Variants in PTPRD observed in about 807,000 individuals in gnomAD.
The protein encoded by PTPRD is receptor-type tyrosine-protein phosphatase delta.
PTPRD carries 34 observed loss-of-function variants against 214.5 expected under a neutral mutation model. The observed-to-expected ratio is 0.16, with a 90% CI of 0.12 to 0.21. The LOEUF (loss-of-function observed/expected upper bound fraction) is 0.21. PTPRD is among the 10% of genes least tolerant of loss of function. PTPRD has a pLI of 1.00. For missense variants in PTPRD, 2,545 were observed against 2,398.7 expected, an observed-to-expected ratio of 1.06 and a Z score of -1.27; for synonymous variants, 1,128 against 845.7, an observed-to-expected ratio of 1.33 and a Z score of -5.79.
chr9:9,836,404 C>A (rs955945575), intron 5 of PTPRD, among the ~76,000 whole-genome samples: 1 of 152,102 alleles, frequency 6.6e-6, no homozygotes, highest in African/African-American at 2.4e-5. Flanking sequence ...GGGCTCATTA[C>A]CCACGTGGTC....
intron 7 of PTPRD, among the ~76,000 whole-genome samples, chr9:9,607,776 G>A (rs529771455): frequency 2.6e-5 from 4 of 151,492 alleles, no homozygotes; most frequent in Admixed American, 6.6e-5. Context: ...ATTGGCAGAC[G>A]TTTTGAGGGA....
chr9:9,635,901 C>T (rs1287662103), intron 7 of PTPRD, among the ~76,000 whole-genome samples: 1 of 152,150 alleles, frequency 6.6e-6, no homozygotes, highest in African/African-American at 2.4e-5. Flanking sequence ...AAAAATTATT[C>T]TCTCCCAGTG....
chr9:10,022,357 G>C (rs1282846120), intron 4 of PTPRD, among the ~76,000 whole-genome samples: 2 of 136,592 alleles, frequency 1.5e-5, no homozygotes, highest in Non-Finnish European at 3.1e-5. Context: ...ACTTATTTCT[G>C]ATACACTGCT....
intron 4 of PTPRD, among the ~76,000 whole-genome samples, chr9:10,012,296 G>T (rs1051517603): frequency 1.3e-5 from 2 of 151,626 alleles, no homozygotes; most frequent in African/African-American, 2.4e-5. Flanking sequence ...ACAAAAAGGG[G>T]GTAGGGTCGG....
In PTPRD at chr9:8,317,862, G is replaced by C. The variant is rs1283159237; in HGVS notation, c.*12C>G. 1 of 1,611,532 alleles carries C rather than the reference G, an allele frequency of 6.2e-7. No homozygotes were observed. The highest frequency in any genetic ancestry group is 8.5e-7 in the Non-Finnish European group (1 of 1,178,188). On this transcript the variant is annotated 3_prime_UTR_variant, in exon 46 of 46. Transcript: ENST00000381196. ...GGGCCTGTAGTAAAAATCCAGAATG[G>C]GTCAGGGGTTTCTACGTTGCATAGT...
At chr9:8,853,425 A>C (rs1444624317) in intron 11 of PTPRD, among the ~76,000 whole-genome samples, 2 of 152,276 alleles carry the variant, frequency 1.3e-5, no homozygotes, top group East Asian at 1.9e-4. Flanking sequence ...TTTTTAAAAA[A>C]GGGAGAGAAT....
At chr9:10,568,522 G>C (rs949675769) in intron 2 of PTPRD, among the ~76,000 whole-genome samples, 6 of 152,020 alleles carry the variant, frequency 3.9e-5, no homozygotes, top group East Asian at 1.9e-4. Context: ...TCTAGTTCTA[G>C]ATCCCCGAGG....
intron 26 of PTPRD, among the ~76,000 whole-genome samples, chr9:8,496,903 T>C (rs1291357065): frequency 6.6e-6 from 1 of 152,206 alleles, no homozygotes; most frequent in Non-Finnish European, 1.5e-5. Flanking sequence ...CCAAGACCAT[T>C]CTTCTTCCAA....
intron 4 of PTPRD, among the ~76,000 whole-genome samples, chr9:9,965,070 C>A (rs911055999): frequency 6.6e-6 from 1 of 152,014 alleles, no homozygotes; most frequent in African/African-American, 2.4e-5. Flanking sequence ...TACAACAGAC[C>A]TTCAAATGAG....
At chr9:9,670,474 A>G (rs1279805777) in intron 7 of PTPRD, among the ~76,000 whole-genome samples, 1 of 152,220 alleles carries the variant, frequency 6.6e-6, no homozygotes, top group Non-Finnish European at 1.5e-5. Context: ...CACACAAGTA[A>G]CAAGGAACCA....
intron 11 of PTPRD, chr9:8,958,897 A>C (rs965925630): frequency 6.6e-6 from 1 of 151,750 alleles, no homozygotes; most frequent in African/African-American, 2.4e-5. Context: ...GAAAGTCCAC[A>C]CCTCCTTCTA....
intron 9 of PTPRD, among the ~76,000 whole-genome samples, chr9:9,370,423 G>T (rs967126223): frequency 2.0e-5 from 3 of 151,508 alleles, no homozygotes; most frequent in Non-Finnish European, 2.9e-5. Flanking sequence ...GTCTGTTATT[G>T]GTGTATAAGA....
chr9:9,301,013 T>A (rs1381750208), intron 9 of PTPRD, among the ~76,000 whole-genome samples: 1 of 151,814 alleles, frequency 6.6e-6, no homozygotes, highest in Non-Finnish European at 1.5e-5. Flanking sequence ...TTAATATTGT[T>A]CATCTATGTC....
At chr9:9,119,376 A>C (rs2099815453) in intron 10 of PTPRD, among the ~76,000 whole-genome samples, 1 of 152,138 alleles carries the variant, frequency 6.6e-6, no homozygotes, top group Non-Finnish European at 1.5e-5. Context: ...GGGTGAGGAG[A>C]TAACTCTTTG....
intron 36 of PTPRD, among the ~76,000 whole-genome samples, chr9:8,401,216 G>C (rs897942169): frequency 6.0e-5 from 9 of 150,558 alleles, no homozygotes; most frequent in Admixed American, 3.3e-4. Flanking sequence ...CCAAGCTGGA[G>C]TGCAGTGGGA....
At chr9:8,795,038 C>G (rs2096368632) in intron 11 of PTPRD, among the ~76,000 whole-genome samples, 2 of 152,094 alleles carry the variant, frequency 1.3e-5, no homozygotes, top group South Asian at 4.1e-4. Context: ...CATAACATCT[C>G]TTAGCCTCAA....
At chr9:9,493,806 AAAAAGAAAAG>A (rs1555480380) in intron 8 of PTPRD, among the ~76,000 whole-genome samples, 1 of 143,772 alleles carries the variant, frequency 7.0e-6, no homozygotes, top group Non-Finnish European at 1.5e-5. Context: ...AAAAAAAAAA[AAAAAGAAAAG>A]AAAAGAAAAG....
chr9:8,828,417 C>T (rs910960052), intron 11 of PTPRD, among the ~76,000 whole-genome samples: 2 of 152,148 alleles, frequency 1.3e-5, no homozygotes, highest in Non-Finnish European at 2.9e-5. Context: ...CAAGAAGGCA[C>T]CTGTCTGTGA....
At chr9:10,285,802 G>A (rs553191573) in intron 3 of PTPRD, among the ~76,000 whole-genome samples, 100 of 151,884 alleles carry the variant, frequency 6.6e-4, no homozygotes, top group African/African-American at 2.2e-3. Flanking sequence ...AGTAGAGACC[G>A]GTTTCACCGT....
Sources: allele counts gnomAD v4.1 joint callset (sites outside exome capture counted in the v4.1 genomes callset), GRCh38; gene constraint gnomAD v4.1.1; transcripts MANE v1.5; gene names NCBI Gene and HGNC (gene_info 2026-07-23, HGNC 2026-07-21).